Variants in SCOC observed in about 807,000 individuals in gnomAD.
SCOC encodes the protein short coiled coil protein.
A neutral mutation model predicts 9.9 loss-of-function variants in SCOC; 7 were observed. The ratio of observed to expected loss-of-function variants is 0.71; its 90% confidence interval spans 0.40 to 1.33. The LOEUF is 1.33. Among genes scored for constraint, SCOC ranks in the 40% most tolerant of loss-of-function variants. The pLI, the probability that SCOC is intolerant of heterozygous loss-of-function variation, is 0.01. For synonymous variants in SCOC, 19 were observed against 28.2 expected, an observed-to-expected ratio of 0.67 and a Z score of 1.03; for missense variants, 66 against 89.7, an observed-to-expected ratio of 0.74 and a Z score of 1.07.
rs150105399 is a variant in SCOC, at chr4:140,303,225, T to C, written c.-18-40396T>C. Among the ~76,000 whole-genome samples the C allele has an allele frequency of 2.1e-3, 315 of 152,318 alleles. 5 individuals carry two copies. The highest frequency in any genetic ancestry group is 0.017 in the Admixed American group (257 of 15,302). On this transcript the variant is annotated intron_variant, in intron 1 of 4. Coordinates refer to the SCOC transcript ENST00000394205. ...GCAGTACATCTTGGATGGCACCAAC[T>C]GAAGGGTTTACAGAAAAAAAATTAT...
intron 2 of SCOC, among the ~76,000 whole-genome samples, chr4:140,345,224 G>A (rs1284122202): frequency 6.6e-6 from 1 of 150,946 alleles, no homozygotes; most frequent in African/African-American, 2.4e-5. Flanking sequence ...TGAGAGTGCC[G>A]GCAACCACAC....
intron 1 of SCOC, among the ~76,000 whole-genome samples, chr4:140,333,159 C>T (rs1732868089): frequency 6.6e-6 from 1 of 152,138 alleles, no homozygotes; most frequent in Non-Finnish European, 1.5e-5. Flanking sequence ...TTCAGATGCC[C>T]TCGGGCTGGC....
intron 1 of SCOC, among the ~76,000 whole-genome samples, chr4:140,329,143 C>A (rs1732736969): frequency 6.6e-6 from 1 of 152,180 alleles, no homozygotes; most frequent in Middle Eastern, 3.4e-3. Flanking sequence ...AGAAATAAAC[C>A]CAAATACTTA....
chr4:140,266,566 C>T (rs371883900), intron 1 of SCOC, among the ~76,000 whole-genome samples: 1 of 152,094 alleles, frequency 6.6e-6, no homozygotes, highest in African/African-American at 2.4e-5. Context: ...GGAAGAACCT[C>T]AACATTAAAT....
intron 2 of SCOC, among the ~76,000 whole-genome samples, chr4:140,364,694 T>A (rs1380852481): frequency 6.6e-6 from 1 of 152,170 alleles, no homozygotes; most frequent in Non-Finnish European, 1.5e-5. Context: ...GCCCAGACAA[T>A]GAGAACCCTT....
At chr4:140,379,729 GT>G (rs1019979678) in intron 3 of SCOC, 77 bp downstream of exon 3, 80 of 1,052,042 alleles carry the variant, frequency 7.6e-5, no homozygotes, top group Non-Finnish European at 1.1e-4. Context: ...GCTAAATTTT[GT>G]TTGTTAGGAT....
At chr4:140,373,287 CG>C, upstream of SCOC, 1 of 1,353,038 alleles carries the variant, frequency 7.4e-7, no homozygotes, top group Non-Finnish European at 9.5e-7. Context: ...ACTTCTCTGT[CG>C]CTCATACCAG....
chr4:140,378,454 A>G (rs1483031284), intron 1 of SCOC, among the ~76,000 whole-genome samples: 3 of 152,098 alleles, frequency 2.0e-5, no homozygotes, highest in Admixed American at 6.6e-5. Flanking sequence ...AATTATTTTC[A>G]GTAGCCACTC....
chr4:140,324,624 T>C (rs529809282), intron 1 of SCOC, among the ~76,000 whole-genome samples: 1 of 152,276 alleles, frequency 6.6e-6, no homozygotes, highest in African/African-American at 2.4e-5. Context: ...GGTATAAGTC[T>C]ATTAAAACAT....
At chr4:140,289,015 A>G (rs1228816036) in intron 1 of SCOC, among the ~76,000 whole-genome samples, 2 of 152,030 alleles carry the variant, frequency 1.3e-5, no homozygotes, top group South Asian at 2.1e-4. Context: ...GTCCACACAC[A>G]TGACACACAC....
chr4:140,359,388 T>C (rs1727367632), intron 2 of SCOC, among the ~76,000 whole-genome samples: 1 of 152,150 alleles, frequency 6.6e-6, no homozygotes, highest in South Asian at 2.1e-4. Flanking sequence ...TCTTGGTGGC[T>C]AGTTTTCCCT....
rs187571233 is a variant in SCOC at position 140,380,156 on chromosome 4, T to A, written c.106+504T>A. Among the ~76,000 whole-genome samples, 606 of 151,952 alleles carry A rather than the reference T, an allele frequency of 4.0e-3. 3 individuals carry two copies. Among genetic ancestry groups the A allele is most frequent in the Middle Eastern group, 0.01 (3 of 292 alleles). ...TTACATTTTACAGAGTTAATAAAAGTCATCTGTGACTTCCCTATTAGCTTT... is the reference window on the plus strand; with the variant it reads ...TTACATTTTACAGAGTTAATAAAAGACATCTGTGACTTCCCTATTAGCTTT... On this transcript the variant is annotated intron_variant, in intron 3 of 3. Coordinates refer to ENST00000608372, the MANE Select transcript of SCOC (RefSeq NM_001153484.2).
At chr4:140,336,862 C>G (rs527371846) in intron 1 of SCOC, among the ~76,000 whole-genome samples, 1 of 152,302 alleles carries the variant, frequency 6.6e-6, no homozygotes, top group South Asian at 2.1e-4. Flanking sequence ...ACAAATGTTT[C>G]TATTTCTCCA....
chr4:140,289,028 T>G (rs1246110310), intron 1 of SCOC, among the ~76,000 whole-genome samples: 1 of 151,720 alleles, frequency 6.6e-6, no homozygotes, highest in Non-Finnish European at 1.5e-5. Flanking sequence ...ACACACACAC[T>G]CACTACTACA....
chr4:140,291,756 C>G (rs1731479048), intron 1 of SCOC, among the ~76,000 whole-genome samples: 1 of 152,142 alleles, frequency 6.6e-6, no homozygotes, highest in African/African-American at 2.4e-5. Flanking sequence ...CATCTGATTT[C>G]TCAGCTCTAT....
chr4:140,295,640 T>C (rs1731603026), intron 1 of SCOC, among the ~76,000 whole-genome samples: 1 of 152,146 alleles, frequency 6.6e-6, no homozygotes, highest in South Asian at 2.1e-4. Context: ...CAAGACCACC[T>C]GCATGAAAAT....
chr4:140,291,642 C>T (rs1255043497), intron 1 of SCOC: 1 of 393,706 alleles, frequency 2.5e-6, no homozygotes, highest in African/African-American at 2.1e-5. Flanking sequence ...GTACCTGACG[C>T]TTATTAATAT....
chr4:140,262,234 G>GA lies in SCOC; in HGVS notation c.-19+4831dup, dbSNP rs532120255. Among the ~76,000 whole-genome samples, 13 of 152,144 alleles carry GA rather than the reference G, an allele frequency of 8.5e-5. No individual in the cohort carries two copies. The South Asian group carries it at 2.3e-3, about 27-fold the overall frequency. ...GTGCCTCCGTGTTTGTTTTATTCAG[G>GA]AAAAAAATGGAAGGAACTACAGAGG... On this transcript the variant is annotated intron_variant, in intron 1 of 4. Coordinates refer to the SCOC transcript ENST00000394205.
chr4:140,317,883 A>G lies in SCOC; in HGVS notation c.-18-25738A>G, dbSNP rs866768714. Among the ~76,000 whole-genome samples, 420 of 111,336 alleles carry G rather than the reference A, an allele frequency of 3.8e-3. 2 individuals carry two copies. Among genetic ancestry groups the G allele is most frequent in the African/African-American group, 0.014 (401 of 28,694 alleles). 73.0% of individuals were successfully genotyped at this position (111,336 alleles called of 152,430 possible). On this transcript the variant is annotated intron_variant, in intron 1 of 4. Coordinates refer to the SCOC transcript ENST00000394205. ...CCCACCACAGTCCCCAGAGTGTGATATTCCCCTTCCTGTGTCCATGTGATC... is the reference window on the plus strand; with the variant it reads ...CCCACCACAGTCCCCAGAGTGTGATGTTCCCCTTCCTGTGTCCATGTGATC...
Sources: gnomAD v4.1 joint callset for allele counts (sites outside exome capture counted in the v4.1 genomes callset) on GRCh38, gnomAD v4.1.1 for gene constraint, MANE v1.5 for transcripts, NCBI Gene and HGNC (gene_info 2026-07-23, HGNC 2026-07-21) for gene names.